HCN1: variants seen among roughly 807,000 people sequenced by gnomAD.
HCN1 encodes potassium/sodium hyperpolarization-activated cyclic nucleotide-gated channel 1.
Under a neutral mutation model 78.9 loss-of-function variants are expected in HCN1, and 13 were observed. The ratio of observed to expected loss-of-function variants is 0.16; its 90% CI spans 0.11 to 0.26. The LOEUF (loss-of-function observed/expected upper bound fraction) is 0.26, where lower values mean the gene tolerates loss of function less well. Among genes scored for constraint, HCN1 ranks in the 10% least tolerant of loss-of-function variants. The probability of loss-of-function intolerance (pLI) is 1.00; values close to 1 mark genes in which losing one functional copy is unlikely to be tolerated. For missense variants in HCN1, 810 were observed against 1,154.3 expected (o/e 0.70, Z 4.32); for synonymous variants, 552 against 455.5 (o/e 1.21, Z -2.70).
At chr5:45,612,634 T>C (rs181524365) in intron 2 of HCN1, among the ~76,000 whole-genome samples, 1 of 152,308 alleles carries the variant, frequency 6.6e-6, no homozygotes, top group Admixed American at 6.5e-5. Flanking sequence ...ATACTTCTTT[T>C]GGTTTGTATG....
chr5:45,635,943 T>C lies in HCN1; in HGVS notation c.849+9242A>G, dbSNP rs368436463. ...TAATCTTGTTTTCCAAATTTTAAAT[T>C]AGTAAAAACACCTTTGACATTGAAT... On this transcript the variant is annotated intron_variant, in intron 2 of 7. Coordinates refer to ENST00000303230, the MANE Select transcript of HCN1 (RefSeq NM_021072.4). 5.3e-5 allele frequency among the ~76,000 whole-genome samples: 8 copies of C among 152,304 alleles called. No homozygotes were observed. In the East Asian group the frequency reaches 1.5e-3, roughly 29 times the overall value.
chr5:45,419,301 T>G (rs1204299821), intron 3 of HCN1, among the ~76,000 whole-genome samples: 1 of 152,114 alleles, frequency 6.6e-6, no homozygotes, highest in African/African-American at 2.4e-5. Flanking sequence ...GCACCTCAGA[T>G]GCAAAGAACC....
intron 2 of HCN1, among the ~76,000 whole-genome samples, chr5:45,632,736 C>T (rs1347257013): frequency 6.6e-6 from 1 of 151,922 alleles, no homozygotes; most frequent in Non-Finnish European, 1.5e-5. Context: ...GGAAAGAATG[C>T]ATTGGTTTTT....
chr5:45,553,796 T>C (rs1014640506), intron 2 of HCN1, among the ~76,000 whole-genome samples: 2 of 151,966 alleles, frequency 1.3e-5, no homozygotes, highest in African/African-American at 4.8e-5. Context: ...TGTTTTTTAA[T>C]CCTTTCATGC....
intron 2 of HCN1, among the ~76,000 whole-genome samples, chr5:45,560,770 T>C (rs1293301929): frequency 6.6e-6 from 1 of 152,044 alleles, no homozygotes; most frequent in Non-Finnish European, 1.5e-5. Flanking sequence ...GCTGTTTATC[T>C]AGTAATAATC....
intron 2 of HCN1, among the ~76,000 whole-genome samples, chr5:45,590,058 G>T (rs973072914): frequency 2.0e-5 from 3 of 152,124 alleles, no homozygotes; most frequent in Non-Finnish European, 4.4e-5. Flanking sequence ...TTCAGGTATA[G>T]ATGCAAAAAT....
chr5:45,687,211 A>G (rs1029340435), intron 1 of HCN1, among the ~76,000 whole-genome samples: 25 of 152,168 alleles, frequency 1.6e-4, no homozygotes, highest in African/African-American at 5.8e-4. Flanking sequence ...TGGTGTTGTA[A>G]AGCTTCTGTG....
chr5:45,506,946 A>G (rs575084260), intron 2 of HCN1, among the ~76,000 whole-genome samples: 1 of 152,312 alleles, frequency 6.6e-6, no homozygotes, highest in African/African-American at 2.4e-5. Flanking sequence ...TCTTAATGGA[A>G]AGAAAAATTC....
chr5:45,348,760 T>C (rs1404757013), intron 5 of HCN1, among the ~76,000 whole-genome samples: 2 of 151,710 alleles, frequency 1.3e-5, no homozygotes, highest in Admixed American at 6.6e-5. Flanking sequence ...CCAACAAAGA[T>C]CAAAAGAGAC....
chr5:45,629,589 C>T lies in HCN1; in HGVS notation c.849+15596G>A, dbSNP rs188492203. ...TTCTAAGTCTGAATTCTTTAAAAAA[C>T]AAAGTCCAAACAAAAGTAACACATT... On this transcript the variant is annotated intron_variant, in intron 2 of 7. Coordinates refer to ENST00000303230, the MANE Select transcript of HCN1 (RefSeq NM_021072.4). Among the ~76,000 whole-genome samples, 23 of 152,146 alleles carry T rather than the reference C, an allele frequency of 1.5e-4. No individual in the cohort carries two copies. The East Asian group carries it at 4.1e-3, about 27-fold the overall frequency.
At chr5:45,673,034 G>A (rs1225653471) in intron 1 of HCN1, among the ~76,000 whole-genome samples, 1 of 151,018 alleles carries the variant, frequency 6.6e-6, no homozygotes, top group African/African-American at 2.4e-5. Flanking sequence ...TGCTGTCCAG[G>A]GTACCACATT....
chr5:45,659,491 T>C (rs201382023), intron 1 of HCN1, among the ~76,000 whole-genome samples: 14,025 of 73,072 alleles, frequency 0.19, 1,551 homozygotes, highest in African/African-American at 0.3. Context: ...AGGCTTCAGA[T>C]GATCAAATTA....
intron 5 of HCN1, among the ~76,000 whole-genome samples, chr5:45,330,155 T>C (rs1262929592): frequency 6.6e-6 from 1 of 151,334 alleles, no homozygotes; most frequent in Non-Finnish European, 1.5e-5. Flanking sequence ...TGAATTACTA[T>C]TAAACTCCAG....
intron 3 of HCN1, among the ~76,000 whole-genome samples, chr5:45,408,831 A>G (rs910840290): frequency 3.3e-5 from 5 of 152,154 alleles, no homozygotes; most frequent in African/African-American, 9.6e-5. Context: ...TAAAGTGAAA[A>G]CAAAAAACGT....
At chr5:45,394,676 C>T (rs187148862) in intron 4 of HCN1, among the ~76,000 whole-genome samples, 9 of 152,062 alleles carry the variant, frequency 5.9e-5, no homozygotes, top group Admixed American at 2.0e-4. Flanking sequence ...ATTAGTCAGG[C>T]GTGGTGGCAG....
chr5:45,333,476 G>A (rs533767709), intron 5 of HCN1, among the ~76,000 whole-genome samples: 54 of 151,706 alleles, frequency 3.6e-4, no homozygotes, highest in African/African-American at 9.9e-4. Flanking sequence ...ACGTCCAGAA[G>A]CTTTTTAACT....
chr5:45,557,702 T>C (rs76245555), intron 2 of HCN1, among the ~76,000 whole-genome samples: 10,908 of 152,184 alleles, frequency 0.072, 573 homozygotes, highest in Middle Eastern at 0.15. Context: ...ATATCTGTTA[T>C]AGTGATCTGT....
intron 2 of HCN1, among the ~76,000 whole-genome samples, chr5:45,499,414 C>T (rs1260736851): frequency 6.6e-6 from 1 of 152,206 alleles, no homozygotes; most frequent in African/African-American, 2.4e-5. Context: ...CCTTGCACTT[C>T]CCAAGTGAGG....
At chr5:45,603,388 T>A (rs1744663845) in intron 2 of HCN1, among the ~76,000 whole-genome samples, 1 of 152,054 alleles carries the variant, frequency 6.6e-6, no homozygotes, top group African/African-American at 2.4e-5. Flanking sequence ...TGCTGCTATC[T>A]AGTGATAAAT....
Sources: allele counts gnomAD v4.1 joint callset (sites outside exome capture counted in the v4.1 genomes callset), GRCh38; gene constraint gnomAD v4.1.1; transcripts MANE v1.5; gene names NCBI Gene and HGNC (gene_info 2026-07-23, HGNC 2026-07-21).